Variants in KCTD18 observed in about 807,000 individuals in gnomAD.
KCTD18 encodes the protein BTB/POZ domain-containing protein KCTD18.
In KCTD18, 22 loss-of-function variants were observed where a neutral mutation model predicts 30.4. That is an observed-to-expected ratio of 0.72 (90% CI 0.52 to 1.03). The LOEUF (loss-of-function observed/expected upper bound fraction) is 1.03. Among genes scored for constraint, KCTD18 ranks in the 50% least tolerant of loss-of-function variants. The pLI, the probability that KCTD18 is intolerant of heterozygous loss-of-function variation, is 0.00. For synonymous variants in KCTD18, 186 were observed against 209.0 expected (o/e 0.89, Z 0.95); for missense variants, 529 against 547.6 (o/e 0.97, Z 0.34).
At chr2:200,496,313 T>G (rs1326293486) in intron 5 of KCTD18, 1 of 152,044 alleles carries the variant, frequency 6.6e-6, no homozygotes. Context: ...GTTCTCCAAC[T>G]TGAGCATAAG....
chr2:200,493,163 A>G lies in KCTD18; in HGVS notation c.764+9T>C, dbSNP rs2087946181. On this transcript the variant is annotated intron_variant, in intron 6 of 6. Coordinates refer to ENST00000359878, the MANE Select transcript of KCTD18 (RefSeq NM_152387.4). Reference sequence around the variant, plus strand: ...AAACAAAACAAATAAACAACACAGCATAGATAACCTCTTTCGAATTGGAGC... The same window carrying G: ...AAACAAAACAAATAAACAACACAGCGTAGATAACCTCTTTCGAATTGGAGC... 2.6e-6 allele frequency: 4 copies of G among 1,546,238 alleles called. No individual in the cohort carries two copies. Among genetic ancestry groups the G allele is most frequent in the South Asian group, 2.2e-5 (2 of 89,716 alleles).
intron 3 of KCTD18, among the ~76,000 whole-genome samples, chr2:200,500,482 C>T (rs2088067283): frequency 6.6e-6 from 1 of 151,968 alleles, no homozygotes; most frequent in Non-Finnish European, 1.5e-5. Context: ...TCTTCTACAC[C>T]AACAACAGAC....
rs373204220 is a variant in KCTD18 at position 200,501,950 on chromosome 2, C to T, written c.372+2798G>A. On this transcript the variant is annotated intron_variant, in intron 3 of 6. Transcript: ENST00000359878. Reference sequence around the variant, plus strand: ...GGCACATATACACCATGGAATACTACGCAGCCATAAAAAATGATGAGTTCA... The same window carrying T: ...GGCACATATACACCATGGAATACTATGCAGCCATAAAAAATGATGAGTTCA... 2.4e-3 allele frequency among the ~76,000 whole-genome samples: 365 copies of T among 151,288 alleles called. 2 individuals carry two copies. Among genetic ancestry groups the T allele is most frequent in the Middle Eastern group, 0.01 (3 of 294 alleles).
intron 3 of KCTD18, among the ~76,000 whole-genome samples, chr2:200,504,111 T>C (rs1016065107): frequency 1.3e-5 from 2 of 152,224 alleles, no homozygotes; most frequent in East Asian, 1.9e-4. Context: ...AAAATCATTT[T>C]AGTAAATAAA....
intron 2 of KCTD18, among the ~76,000 whole-genome samples, chr2:200,505,418 C>A (rs1002336063): frequency 6.6e-6 from 1 of 152,162 alleles, no homozygotes; most frequent in African/African-American, 2.4e-5. Context: ...AAAAGGGCAC[C>A]CTTTTCTGAT....
chr2:200,493,459 G>A lies in KCTD18; in HGVS notation c.662-185C>T, dbSNP rs545973995. Among the ~76,000 whole-genome samples, 15 of 152,312 alleles carry A rather than the reference G, an allele frequency of 9.8e-5. 1 individual carries two copies. In the South Asian group the frequency reaches 1.2e-3, roughly 13 times the overall value. On this transcript the variant is annotated intron_variant, in intron 5 of 6. Transcript: ENST00000359878. ...AGGGCCAGGGAGCAACACAGCTCACGACCTGGGTCAGGAAGAGCTGGCCAC... is the reference window on the plus strand; with the variant it reads ...AGGGCCAGGGAGCAACACAGCTCACAACCTGGGTCAGGAAGAGCTGGCCAC...
In KCTD18 at chr2:200,499,008, G is replaced by C; in HGVS notation, c.449C>G (p.Thr150Arg). The C allele has an allele frequency of 2.5e-6, 4 of 1,614,026 alleles. No homozygotes were observed. The highest frequency in any genetic ancestry group is 3.4e-6 in the Non-Finnish European group (4 of 1,179,918). ...PTVWVLHYLN[T>R]SGASCESRII... ...TCTACTCTCACAGCTTGCACCAGATGTGTTAAGATAGTGGAGAACCCAAAC... is the reference window on the plus strand; with the variant it reads ...TCTACTCTCACAGCTTGCACCAGATCTGTTAAGATAGTGGAGAACCCAAAC... Residue 150 changes from threonine (T) to arginine (R), a missense_variant, in exon 4 of 7, where the codon ACA (threonine) becomes AGA (arginine). By Grantham distance (71) the Thr-to-Arg change is moderately conservative (BLOSUM62 -1). Transcript: ENST00000359878.
chr2:200,507,334 T>C (rs1028267475), intron 1 of KCTD18, among the ~76,000 whole-genome samples: 4 of 152,212 alleles, frequency 2.6e-5, no homozygotes, highest in Non-Finnish European at 5.9e-5. Context: ...AATGACTGTT[T>C]AAACATGGTA....
intron 2 of KCTD18, 90 bp downstream of exon 2, chr2:200,506,767 G>T (rs2030221516): frequency 8.6e-7 from 1 of 1,169,346 alleles, no homozygotes; most frequent in Non-Finnish European, 1.3e-6. Context: ...TAGTCATCTA[G>T]TACATTTCGC....
chr2:200,508,012 T>C (rs1031290460), intron 1 of KCTD18, among the ~76,000 whole-genome samples: 5 of 152,124 alleles, frequency 3.3e-5, no homozygotes, highest in African/African-American at 1.2e-4. Context: ...GCCAGGCCAG[T>C]CTAGAACTAC....
At chr2:200,496,875 T>C (rs1234309984) in intron 5 of KCTD18, 1 of 152,390 alleles carries the variant, frequency 6.6e-6, no homozygotes, top group African/African-American at 2.4e-5. Flanking sequence ...TGATAACAGC[T>C]CACTCCACCC....
chr2:200,500,512 G>A (rs1239402308), intron 3 of KCTD18, among the ~76,000 whole-genome samples: 2 of 151,696 alleles, frequency 1.3e-5, no homozygotes, highest in East Asian at 1.9e-4. Flanking sequence ...GCCAAATCAT[G>A]AGTGAACTCC....
chr2:200,500,339 T>C (rs2088065637), intron 3 of KCTD18, among the ~76,000 whole-genome samples: 1 of 151,218 alleles, frequency 6.6e-6, no homozygotes, highest in African/African-American at 2.4e-5. Flanking sequence ...GGAAGTCAAA[T>C]TGTCCCTGTT....
At chr2:200,492,769 A>G (rs2087938371) in intron 6 of KCTD18, among the ~76,000 whole-genome samples, 1 of 152,248 alleles carries the variant, frequency 6.6e-6, no homozygotes, top group African/African-American at 2.4e-5. Context: ...ATTTGTGGCA[A>G]TAGGAAACAG....
chr2:200,490,427 G>T lies in KCTD18; in HGVS notation c.954C>A (p.Ser318Arg), dbSNP rs1263598035. ...GATANRFQSG[S>R]RRKAAQRSAP... is the part of the protein sequence containing the mutation. ...CAGAGCGCTGAGCTGCCTTTCTGCG[G>T]CTACCACTTTGAAACCGGTTTGCTG... Residue 318 changes from serine (S) to arginine (R), a missense_variant, in exon 7 of 7, where the codon AGC becomes AGA. Coordinates refer to ENST00000359878, the MANE Select transcript of KCTD18 (RefSeq NM_152387.4). The T allele has an allele frequency of 1.2e-6, 2 of 1,614,150 alleles. No individual in the cohort carries two copies. Among genetic ancestry groups the T allele is most frequent in the Non-Finnish European group, 1.7e-6 (2 of 1,180,040 alleles).
chr2:200,492,842 A>G (rs1194281090), intron 6 of KCTD18, among the ~76,000 whole-genome samples: 1 of 148,270 alleles, frequency 6.7e-6, no homozygotes, highest in Non-Finnish European at 1.5e-5. Flanking sequence ...TTTTTTTTTT[A>G]CTATTGCCAG....
rs528188935 is a variant in KCTD18, at chr2:200,497,859, G to T, written c.567-12C>A. 4.5e-6 allele frequency: 7 copies of T among 1,562,894 alleles called. No individual in the cohort carries two copies. Among genetic ancestry groups the T allele is most frequent in the South Asian group, 1.1e-5 (1 of 89,916 alleles). On this transcript the variant is annotated splice_polypyrimidine_tract_variant and intron_variant, in intron 4 of 6. Transcript: ENST00000359878. Reference sequence around the variant, plus strand: ...TATTTCCCGCCTCTCTAGAAATATTGCAAAGAGTAATGAAAATATACTACC... The same window carrying T: ...TATTTCCCGCCTCTCTAGAAATATTTCAAAGAGTAATGAAAATATACTACC...
At chr2:200,492,567 G>A (rs1026661324) in intron 6 of KCTD18, among the ~76,000 whole-genome samples, 1 of 152,080 alleles carries the variant, frequency 6.6e-6, no homozygotes, top group African/African-American at 2.4e-5. Context: ...AATTCCATAC[G>A]GGCATTCAAT....
Position 200,497,839 on chromosome 2 carries a change from C to T in KCTD18, c.575G>A (p.Gly192Glu), listed in dbSNP as rs1339856429. 1 of 1,607,896 alleles carries T rather than the reference C, an allele frequency of 6.2e-7. No homozygotes were observed. The highest frequency in any genetic ancestry group is 8.5e-7 in the Non-Finnish European group (1 of 1,175,548). The stretch of plus-strand genomic sequence containing the variant: ...GCTCCAAATGTACTGAACATTATTT[C>T]CCGCCTCTCTAGAAATATTGCAAAG... ...HSKGIFKREA[G>E]NNVQYIWSYY... The change falls in exon 5 of 7, where the codon GGA becomes GAA. Residue 192 changes from glycine to glutamate, a missense_variant. By Grantham distance (98) the Gly-to-Glu change is moderately conservative (BLOSUM62 -2). Transcript: ENST00000359878.
Sources: allele counts gnomAD v4.1 joint callset (sites outside exome capture counted in the v4.1 genomes callset), GRCh38; gene constraint gnomAD v4.1.1; transcripts MANE v1.5; gene names NCBI Gene and HGNC (gene_info 2026-07-23, HGNC 2026-07-21).